Variants in TRABD observed in about 807,000 individuals in gnomAD.
TRABD encodes the protein TraB domain containing.
Under a neutral mutation model 39.6 loss-of-function variants are expected in TRABD, and 23 were observed. The observed-to-expected ratio is 0.58, with a 90% CI of 0.42 to 0.82. The LOEUF (loss-of-function observed/expected upper bound fraction) is 0.82, where lower values mean the gene tolerates loss of function less well. Among genes scored for constraint, TRABD ranks in the 40% least tolerant of loss-of-function variants. TRABD has a pLI of 0.00. For synonymous variants in TRABD, 243 were observed against 232.1 expected, an observed-to-expected ratio of 1.05 and a Z score of -0.43; for missense variants, 487 against 544.9, an observed-to-expected ratio of 0.89 and a Z score of 1.06.
chr22:50,194,565 C>T (rs944187565), intron 4 of TRABD, 59 bp downstream of exon 4: 16 of 1,546,480 alleles, frequency 1.0e-5, no homozygotes, highest in Non-Finnish European at 1.4e-5. Context: ...CTGTGTCCTG[C>T]ACTCAGGGAC....
rs894148138 is a variant in TRABD at position 50,197,428 on chromosome 22, AAC to A, written c.532-18_532-17del. On this transcript the variant is annotated intron_variant, in intron 6 of 9. Coordinates refer to ENST00000380909, the MANE Select transcript of TRABD (RefSeq NM_001320485.2). ...TGGTCCGGGGTTCCCACTGCTCCCC[AAC>A]ACCCAGCCTCTGCTCCAGGCCAGCA... 6.8e-6 allele frequency: 11 copies of A among 1,613,278 alleles called. No homozygotes were observed. The African/African-American group carries it at 1.2e-4, about 18-fold the overall frequency.
intron 1 of TRABD, chr22:50,192,033 G>T: frequency 6.6e-6 from 1 of 152,468 alleles, no homozygotes. Flanking sequence ...AAAGTGCTGG[G>T]ATTACAGGTG....
intron 7 of TRABD, 113 bp downstream of exon 7, chr22:50,197,701 T>C (rs1268033836): frequency 4.5e-6 from 7 of 1,569,428 alleles, no homozygotes; most frequent in Non-Finnish European, 6.1e-6. Context: ...TTCCCTGCCC[T>C]TTCCTTCCGC....
intron 1 of TRABD, among the ~76,000 whole-genome samples, chr22:50,187,403 G>A (rs1374192742): frequency 1.3e-5 from 2 of 152,234 alleles, no homozygotes; most frequent in Admixed American, 1.3e-4. Flanking sequence ...GGAAGCAGGG[G>A]AGGTCAAAGC....
Position 50,197,465 on chromosome 22 carries a change from T to C in TRABD, c.548T>C (p.Phe183Ser). 2 of 1,613,856 alleles carry C rather than the reference T, an allele frequency of 1.2e-6. No homozygotes were observed. The highest frequency in any genetic ancestry group is 2.2e-5 in the South Asian group (2 of 91,084). Residue 183 changes from phenylalanine to serine, a missense_variant, in exon 7 of 10, where the codon TTC becomes TCC. Transcript: ENST00000380909. ...CTGCTCCAGGCCAGCAAGGTGCCTT[T>C]CTGCAAGTTCCACCTGGGTGACCGA... ...EAFKEASKVP[F>S]CKFHLGDRPI...
Position 50,198,357 on chromosome 22 carries a change from G to T in TRABD, c.969G>T (p.Pro323=). The T allele has an allele frequency of 1.9e-6, 3 of 1,573,530 alleles. No homozygotes were observed. The highest frequency in any genetic ancestry group is 1.7e-6 in the Non-Finnish European group (2 of 1,163,724). ...NIQEIMTVPP[P]SVSGRVSRLA... ...CTCCCTCCCACAGCGTGCCCCCGCC[G>T]TCCGTCTCCGGCAGAGTGTCTCGGT... Residue 323 remains proline (P), a synonymous_variant, in exon 10 of 10, where the codon CCG becomes CCT. Transcript: ENST00000380909. This position sits in a 1 kb window ranked among gnomAD's most constrained non-coding sequence, Gnocchi z 7.9.
At position 50,193,008 on chromosome 22, in the gene TRABD, C is replaced by T. The variant is rs1478620683; in HGVS notation, c.-34-19C>T. On this transcript the variant is annotated intron_variant, in intron 1 of 9. Transcript: ENST00000380909. Reference sequence around the variant, plus strand: ...CTGGGGCTCCAGGTGGAAACCCCGCCTCTCATGCCTCTCCTCAGGCTCCCC... The same window carrying T: ...CTGGGGCTCCAGGTGGAAACCCCGCTTCTCATGCCTCTCCTCAGGCTCCCC... 2.6e-6 allele frequency: 4 copies of T among 1,540,976 alleles called. No homozygotes were observed. The highest frequency in any genetic ancestry group is 3.5e-6 in the Non-Finnish European group (4 of 1,146,356).
chr22:50,195,972 G>A (rs188145881), intron 5 of TRABD, among the ~76,000 whole-genome samples: 96 of 152,306 alleles, frequency 6.3e-4, no homozygotes, highest in African/African-American at 2.1e-3. Context: ...GCAGTCCCCG[G>A]TCCAGCCAGG....
At chr22:50,187,040 G>A (rs909143685) in intron 1 of TRABD, among the ~76,000 whole-genome samples, 1 of 152,368 alleles carries the variant, frequency 6.6e-6, no homozygotes, top group Admixed American at 6.5e-5. Context: ...GGCTCACTGC[G>A]CTGTGTGTCT....
Position 50,198,912 on chromosome 22 carries a change from G to C in TRABD, c.*393G>C, listed in dbSNP as rs1428511285. The C allele has an allele frequency of 1.7e-6, 1 of 580,174 alleles. No individual in the cohort carries two copies. The highest frequency in any genetic ancestry group is 1.9e-5 in the African/African-American group (1 of 52,960). 35.9% of individuals were successfully genotyped at this position (580,174 alleles called of 1,614,324 possible). A position where few individuals can be genotyped will look rare whatever the true frequency, so the allele number is the denominator to read the frequency against. On this transcript the variant is annotated 3_prime_UTR_variant, in exon 10 of 10. Coordinates refer to ENST00000380909, the MANE Select transcript of TRABD (RefSeq NM_001320485.2). This position sits in a 1 kb window ranked among gnomAD's most constrained non-coding sequence, Gnocchi z 7.9. ...GCCTTCCTGTGCTCCGGCCACAGGA[G>C]CGTCGGCCCAGGGGCGGCTCCTGGG...
chr22:50,194,290 G>C (rs772767421), intron 3 of TRABD, 50 bp from the exon 4 acceptor site: 1 of 1,586,866 alleles, frequency 6.3e-7, no homozygotes, highest in South Asian at 1.1e-5. Context: ...GGGCCCGGCG[G>C]CGTCCTTGGG....
chr22:50,198,945 G>A lies in TRABD; in HGVS notation c.*426G>A. ...CCAGGGGCGGCTCCTGGGGGCTCCA[G>A]GGCAGGCGAGACTGGGAAAGGCCCA... On this transcript the variant is annotated 3_prime_UTR_variant, in exon 10 of 10. Coordinates refer to ENST00000380909, the MANE Select transcript of TRABD (RefSeq NM_001320485.2). This position sits in a 1 kb window ranked among gnomAD's most constrained non-coding sequence, Gnocchi z 7.9. The A allele has an allele frequency of 1.7e-6, 1 of 600,658 alleles. No individual in the cohort carries two copies. Among genetic ancestry groups the A allele is most frequent in the Non-Finnish European group, 3.0e-6 (1 of 329,434 alleles). 37.2% of individuals were successfully genotyped at this position (600,658 alleles called of 1,614,324 possible).
chr22:50,194,929 G>A lies in TRABD; in HGVS notation c.309G>A (p.Val103=), dbSNP rs78610463. The part of the protein sequence containing the change: ...KTIREVQPDV[V]VVELCQYRVS... ...TCCGGGAGGTGCAGCCTGACGTGGT[G>A]GTCGTGGAGCTCTGCCAATATCGTG... Residue 103 remains valine, a synonymous_variant, in exon 5 of 10, where the codon GTG becomes GTA. Coordinates refer to ENST00000380909, the MANE Select transcript of TRABD (RefSeq NM_001320485.2). 401 of 1,613,040 alleles carry A rather than the reference G, an allele frequency of 2.5e-4. 1 individual carries two copies. The East Asian group carries it at 4.1e-3, about 17-fold the overall frequency.
chr22:50,197,077 G>C, intron 5 of TRABD, 164 bp from the exon 6 acceptor site: 1 of 644,060 alleles, frequency 1.6e-6, no homozygotes, highest in South Asian at 1.9e-5. Flanking sequence ...CTGACCCTCT[G>C]CACGCTAGGG....
chr22:50,194,581 GGC>G, intron 4 of TRABD, 75 bp downstream of exon 4: 3 of 1,540,964 alleles, frequency 1.9e-6, no homozygotes, highest in Non-Finnish European at 2.6e-6. Flanking sequence ...GGGACCTCCC[GGC>G]AGGGCCCGTG....
In TRABD at chr22:50,185,933, G is replaced by T. The variant is rs1272124096; in HGVS notation, c.-78G>T. The T allele has an allele frequency of 6.7e-6, 1 of 149,370 alleles. No individual in the cohort carries two copies. The highest frequency in any genetic ancestry group is 2.0e-4 in the East Asian group (1 of 5,074). The allele number at this position is 149,370 out of a possible 1,614,324, so 9.3% of individuals were successfully genotyped here. A position where few individuals can be genotyped will look rare whatever the true frequency, so the allele number is the denominator to read the frequency against. On this transcript the variant is annotated 5_prime_UTR_variant, in exon 1 of 10. Coordinates refer to ENST00000380909, the MANE Select transcript of TRABD (RefSeq NM_001320485.2). Reference sequence around the variant, plus strand: ...AGCCCGCCCCGTCCGTTGAGGGCCCGCGCCGCATGGAGGCCGGCTGAGGAG... The same window carrying T: ...AGCCCGCCCCGTCCGTTGAGGGCCCTCGCCGCATGGAGGCCGGCTGAGGAG...
In TRABD at chr22:50,198,551, G is replaced by A. The variant is rs1446391661; in HGVS notation, c.*32G>A. The stretch of plus-strand genomic sequence containing the variant: ...GCTCCCCGCCCGCTCGGGCCCCTGA[G>A]GAGCCAGTGCCCCCGCGGCACTTCT... On this transcript the variant is annotated 3_prime_UTR_variant, in exon 10 of 10. Transcript: ENST00000380909. This position sits in a 1 kb window ranked among gnomAD's most constrained non-coding sequence, Gnocchi z 7.9. The A allele has an allele frequency of 2.0e-6, 3 of 1,482,222 alleles. No homozygotes were observed. Among genetic ancestry groups the A allele is most frequent in the African/African-American group, 2.8e-5 (2 of 71,416 alleles). The allele number at this position is 1,482,222 out of a possible 1,614,324, so 91.8% of individuals were successfully genotyped here. A position where few individuals can be genotyped will look rare whatever the true frequency, so the allele number is the denominator to read the frequency against.
chr22:50,186,521 G>A (rs1390031250), intron 1 of TRABD, among the ~76,000 whole-genome samples: 1 of 152,154 alleles, frequency 6.6e-6, no homozygotes, highest in Non-Finnish European at 1.5e-5. Flanking sequence ...CGGACCTCGA[G>A]TCCCAGGGTC....
At chr22:50,196,997 C>G (rs1030485848) in intron 5 of TRABD, 1 of 522,476 alleles carries the variant, frequency 1.9e-6, no homozygotes, top group Non-Finnish European at 3.4e-6. Flanking sequence ...TGCACCCGGC[C>G]CGTGAAGGTC....
Sources: gnomAD v4.1 joint callset for allele counts (sites outside exome capture counted in the v4.1 genomes callset) on GRCh38, gnomAD v4.1.1 for gene constraint, Gnocchi (gnomAD v3.1) non-coding constraint, MANE v1.5 for transcripts, NCBI Gene and HGNC (gene_info 2026-07-23, HGNC 2026-07-21) for gene names.